CPNE8: variants seen among roughly 807,000 people sequenced by gnomAD.
CPNE8 encodes the protein copine-8.
CPNE8 carries 45 observed loss-of-function variants against 81.5 expected under a neutral mutation model. That is an observed-to-expected ratio of 0.55 (90% CI 0.44 to 0.71). CPNE8 has a LOEUF of 0.71. Among genes scored for constraint, CPNE8 ranks in the 30% least tolerant of loss-of-function variants. The probability of loss-of-function intolerance (pLI) is 0.00; values close to 1 mark genes in which losing one functional copy is unlikely to be tolerated. For missense variants in CPNE8, 594 were observed against 672.1 expected, an observed-to-expected ratio of 0.88 and a Z score of 1.28; for synonymous variants, 252 against 226.3, an observed-to-expected ratio of 1.11 and a Z score of -1.02.
chr12:38,732,316 G>C (rs1291048740), intron 10 of CPNE8, among the ~76,000 whole-genome samples: 1 of 151,906 alleles, frequency 6.6e-6, no homozygotes, highest in Non-Finnish European at 1.5e-5. Flanking sequence ...CCTCCATCTG[G>C]ATAAAGTCAG....
intron 3 of CPNE8, among the ~76,000 whole-genome samples, chr12:38,862,471 A>G (rs766808941): frequency 7.9e-5 from 12 of 152,168 alleles, no homozygotes; most frequent in Admixed American, 3.9e-4. Context: ...CTATATTTGC[A>G]CCTTTTCTGT....
chr12:38,696,068 TAAAA>T (rs1032250097), intron 14 of CPNE8, among the ~76,000 whole-genome samples: 2 of 152,076 alleles, frequency 1.3e-5, no homozygotes, highest in Non-Finnish European at 2.9e-5. Flanking sequence ...AAACTGTAAA[TAAAA>T]AAATATAATT....
intron 4 of CPNE8, among the ~76,000 whole-genome samples, chr12:38,841,677 T>A (rs1943469850): frequency 6.6e-6 from 1 of 152,160 alleles, no homozygotes; most frequent in South Asian, 2.1e-4. Flanking sequence ...TTTAAAGTGA[T>A]TCAGCAATAA....
chr12:38,739,268 T>C (rs972486472), intron 10 of CPNE8, among the ~76,000 whole-genome samples: 2 of 152,164 alleles, frequency 1.3e-5, no homozygotes, highest in Non-Finnish European at 2.9e-5. Context: ...GGAAATAGTA[T>C]AGTTCACCTC....
intron 11 of CPNE8, chr12:38,726,549 T>G (rs1315985185): frequency 1.3e-5 from 2 of 152,322 alleles, no homozygotes; most frequent in Non-Finnish European, 2.9e-5. Flanking sequence ...ATCTTGAGAT[T>G]TGAAGAATTC....
chr12:38,807,938 C>T (rs899017334), intron 6 of CPNE8, among the ~76,000 whole-genome samples: 7 of 151,484 alleles, frequency 4.6e-5, no homozygotes, highest in Non-Finnish European at 7.4e-5. Context: ...AAAAAGTGGG[C>T]AAAGGATATG....
At chr12:38,831,215 A>C (rs1474318904) in intron 5 of CPNE8, among the ~76,000 whole-genome samples, 1 of 152,192 alleles carries the variant, frequency 6.6e-6, no homozygotes, top group Non-Finnish European at 1.5e-5. Flanking sequence ...GAAGGACTCA[A>C]GTAAAAAGCA....
chr12:38,726,751 T>A (rs1292226047), intron 11 of CPNE8, among the ~76,000 whole-genome samples: 2 of 152,196 alleles, frequency 1.3e-5, no homozygotes, highest in Non-Finnish European at 1.5e-5. Context: ...TAGAAGAGGT[T>A]TTTCCTAAAT....
intron 3 of CPNE8, among the ~76,000 whole-genome samples, chr12:38,866,609 A>G (rs1943917046): frequency 6.6e-6 from 1 of 152,208 alleles, no homozygotes; most frequent in South Asian, 2.1e-4. Flanking sequence ...AATTGATGCT[A>G]TAATTCAAAT....
Position 38,769,687 on chromosome 12 carries a change from C to T in CPNE8, c.472-1949G>A, listed in dbSNP as rs184751917. Among the ~76,000 whole-genome samples the T allele has an allele frequency of 9.4e-3, 1,427 of 152,118 alleles. 20 individuals carry two copies. The highest frequency in any genetic ancestry group is 0.04 in the South Asian group (191 of 4,812). ...AAACTTCCAAGAAACATTCTGTATACTTACAATGCATAATAGATAAATGAA... is the reference window on the plus strand; with the variant it reads ...AAACTTCCAAGAAACATTCTGTATATTTACAATGCATAATAGATAAATGAA... On this transcript the variant is annotated intron_variant, in intron 7 of 19. Coordinates refer to ENST00000331366, the MANE Select transcript of CPNE8 (RefSeq NM_153634.3).
At chr12:38,707,150 T>C (rs1230142140) in intron 13 of CPNE8, among the ~76,000 whole-genome samples, 1 of 151,894 alleles carries the variant, frequency 6.6e-6, no homozygotes, top group Non-Finnish European at 1.5e-5. Context: ...CCAGTCTGTA[T>C]AGAAATTTTA....
chr12:38,787,230 C>CA (rs1195893012), intron 6 of CPNE8, among the ~76,000 whole-genome samples: 1 of 151,770 alleles, frequency 6.6e-6, no homozygotes, highest in Non-Finnish European at 1.5e-5. Flanking sequence ...TAAAAACATT[C>CA]AAAAAATTGA....
At chr12:38,892,661 C>G (rs1944329795) in intron 1 of CPNE8, among the ~76,000 whole-genome samples, 1 of 152,144 alleles carries the variant, frequency 6.6e-6, no homozygotes, top group Admixed American at 6.5e-5. Flanking sequence ...GTCAACTGTT[C>G]CAGAAAGCCC....
intron 6 of CPNE8, among the ~76,000 whole-genome samples, chr12:38,814,228 T>C (rs774263683): frequency 2.6e-5 from 4 of 151,418 alleles, no homozygotes; most frequent in Non-Finnish European, 5.9e-5. Flanking sequence ...AGAAACATGC[T>C]TGACTAAGCC....
chr12:38,805,730 C>T (rs1406386794), intron 6 of CPNE8, among the ~76,000 whole-genome samples: 1 of 139,522 alleles, frequency 7.2e-6, no homozygotes, highest in Non-Finnish European at 1.6e-5. Context: ...CAAAAGCTAG[C>T]AGAAGGCAAG....
chr12:38,792,144 A>G (rs1400202110), intron 6 of CPNE8, among the ~76,000 whole-genome samples: 1 of 151,490 alleles, frequency 6.6e-6, no homozygotes, highest in Non-Finnish European at 1.5e-5. Context: ...AAAGATCTCA[A>G]GTCAACAACC....
intron 6 of CPNE8, among the ~76,000 whole-genome samples, chr12:38,782,646 A>G (rs1180677395): frequency 1.3e-5 from 2 of 152,040 alleles, no homozygotes; most frequent in Non-Finnish European, 2.9e-5. Context: ...GATTAAAGTA[A>G]ACAGGAGTTC....
intron 6 of CPNE8, among the ~76,000 whole-genome samples, chr12:38,812,485 C>T (rs1438554069): frequency 6.6e-6 from 1 of 152,050 alleles, no homozygotes; most frequent in Non-Finnish European, 1.5e-5. Flanking sequence ...AAGGAAAAGC[C>T]CCTTATAAAA....
intron 3 of CPNE8, among the ~76,000 whole-genome samples, chr12:38,871,558 G>A (rs1414328280): frequency 6.6e-6 from 1 of 152,144 alleles, no homozygotes; most frequent in Non-Finnish European, 1.5e-5. Context: ...CATATACTAA[G>A]GTAGGAGAAT....
Sources: gnomAD v4.1 joint callset for allele counts (sites outside exome capture counted in the v4.1 genomes callset) on GRCh38, gnomAD v4.1.1 for gene constraint, MANE v1.5 for transcripts, NCBI Gene and HGNC (gene_info 2026-07-23, HGNC 2026-07-21) for gene names.